The following LPL variants were observed in gnomAD, a reference collection of about 807,000 sequenced individuals.
LPL encodes the protein phospholipase A1.
Under a neutral mutation model 52.2 loss-of-function variants are expected in LPL, and 43 were observed. The ratio of observed to expected loss-of-function variants is 0.82; its 90% CI spans 0.64 to 1.06. LPL has a LOEUF of 1.06. Ranked by LOEUF, LPL falls within the 50% of genes least tolerant of loss-of-function variation. LPL has a pLI of 0.00. For synonymous variants in LPL, 244 were observed against 215.6 expected, an observed-to-expected ratio of 1.13 and a Z score of -1.15; for missense variants, 639 against 585.3, an observed-to-expected ratio of 1.09 and a Z score of -0.95.
chr8:19,964,775 C>T (rs1289988194), intron 9 of LPL, among the ~76,000 whole-genome samples: 1 of 152,164 alleles, frequency 6.6e-6, no homozygotes, highest in African/African-American at 2.4e-5. Flanking sequence ...GGTGATGTGC[C>T]TGTCTCAGCC....
chr8:19,945,271 G>A (rs904981483), intron 1 of LPL, among the ~76,000 whole-genome samples: 1 of 152,102 alleles, frequency 6.6e-6, no homozygotes, highest in African/African-American at 2.4e-5. Flanking sequence ...GCTGACTGAA[G>A]TTTGGGAAGC....
In LPL at chr8:19,967,005, C is replaced by T. The variant is rs1191177716; in HGVS notation, c.*1695C>T. The T allele has an allele frequency of 6.6e-6, 1 of 152,540 alleles. No individual in the cohort carries two copies. Among genetic ancestry groups the T allele is most frequent in the African/African-American group, 2.4e-5 (1 of 41,402 alleles). The allele number at this position is 152,540 out of a possible 1,614,324, so 9.4% of individuals were successfully genotyped here. ...GTTATATATATCAAGGATGTTCTGG[C>T]TTTACATTTTATTTATTAGCTGTAA... On this transcript the variant is annotated 3_prime_UTR_variant, in exon 10 of 10. Coordinates refer to ENST00000650287, the MANE Select transcript of LPL (RefSeq NM_000237.3).
At chr8:19,949,379 T>C (rs547210316) in intron 2 of LPL, among the ~76,000 whole-genome samples, 53 of 152,312 alleles carry the variant, frequency 3.5e-4, no homozygotes, top group African/African-American at 1.2e-3. Context: ...TAACAAAATA[T>C]AGCCATTTAC....
In LPL at chr8:19,947,192, A is replaced by T. The variant is rs538996849; in HGVS notation, c.89-988A>T. Reference sequence around the variant, plus strand: ...CATGCTTCCAACTTTTCTTTAAAAAATTTTTTTTAAATTATTTTATTAAAA... The same window carrying T: ...CATGCTTCCAACTTTTCTTTAAAAATTTTTTTTTAAATTATTTTATTAAAA... On this transcript the variant is annotated intron_variant, in intron 1 of 9. Transcript: ENST00000650287. Among the ~76,000 whole-genome samples, 1,506 of 152,238 alleles carry T rather than the reference A, an allele frequency of 9.9e-3. 12 individuals carry two copies. Among genetic ancestry groups the T allele is most frequent in the South Asian group, 0.025 (119 of 4,832 alleles).
At chr8:19,952,110 AT>A (rs1321630264) in intron 3 of LPL, among the ~76,000 whole-genome samples, 162 bp downstream of exon 3, 2 of 152,178 alleles carry the variant, frequency 1.3e-5, no homozygotes, top group Non-Finnish European at 2.9e-5. Context: ...CAAAAGCAAC[AT>A]TTTGATAAGA....
At chr8:19,942,678 T>C (rs1462050869) in intron 1 of LPL, among the ~76,000 whole-genome samples, 2 of 152,218 alleles carry the variant, frequency 1.3e-5, no homozygotes, top group Non-Finnish European at 2.9e-5. Flanking sequence ...GAAGGACTAA[T>C]AGGATAGGGT....
At chr8:19,959,482 C>T in intron 7 of LPL, 102 bp downstream of exon 7, 1 of 1,403,126 alleles carries the variant, frequency 7.1e-7, no homozygotes, top group Non-Finnish European at 9.6e-7. Context: ...GAAAACAAGT[C>T]TTTAGTTAAA....
intron 3 of LPL, 41 bp downstream of exon 3, chr8:19,951,989 T>C: frequency 6.2e-7 from 1 of 1,607,864 alleles, no homozygotes; most frequent in Non-Finnish European, 8.5e-7. Flanking sequence ...CAAAACAGTG[T>C]TTTTGACTGG....
rs2070077063 is a variant in LPL at position 19,965,391 on chromosome 8, T to C, written c.*81T>C. The C allele has an allele frequency of 1.2e-5, 9 of 778,176 alleles. No homozygotes were observed. The highest frequency in any genetic ancestry group is 1.9e-5 in the Non-Finnish European group (8 of 417,318). The allele number at this position is 778,176 out of a possible 1,614,324, so 48.2% of individuals were successfully genotyped here. Reference sequence around the variant, plus strand: ...TGGAGGAAGTAACTTTTACAAAACATACCCAGTGTTTGGGGTGTTTCAAAA... The same window carrying C: ...TGGAGGAAGTAACTTTTACAAAACACACCCAGTGTTTGGGGTGTTTCAAAA... On this transcript the variant is annotated 3_prime_UTR_variant, in exon 10 of 10. Coordinates refer to ENST00000650287, the MANE Select transcript of LPL (RefSeq NM_000237.3).
intron 3 of LPL, among the ~76,000 whole-genome samples, 195 bp from the exon 4 acceptor site, chr8:19,953,115 G>A (rs1486955548): frequency 1.3e-5 from 2 of 152,078 alleles, no homozygotes; most frequent in African/African-American, 4.8e-5. Context: ...TTACGGAAAA[G>A]TGAAACAAAA....
chr8:19,950,905 G>GGAAGGAAGGAAT lies in LPL; in HGVS notation c.250-852_250-841dup, dbSNP rs1365616034. ...AGGAAGGAAGGAAGGAATGAAGGAA[G>GGAAGGAAGGAAT]GAAGGAAGGAATGAAGGAAGGAAGG... is the stretch of plus-strand genomic sequence containing the variant. On this transcript the variant is annotated intron_variant, in intron 2 of 9. Coordinates refer to ENST00000650287, the MANE Select transcript of LPL (RefSeq NM_000237.3). The surrounding 1 kb of genome is among the most constrained non-coding windows in gnomAD (Gnocchi z 4.2). Among the ~76,000 whole-genome samples the GGAAGGAAGGAAT allele has an allele frequency of 2.0e-5, 3 of 149,134 alleles. No individual in the cohort carries two copies. Among genetic ancestry groups the GGAAGGAAGGAAT allele is most frequent in the Non-Finnish European group, 4.5e-5 (3 of 67,174 alleles).
In LPL at chr8:19,965,540, A is replaced by C. The variant is rs973692940; in HGVS notation, c.*230A>C. 3.8e-6 allele frequency: 2 copies of C among 527,564 alleles called. No individual in the cohort carries two copies. The highest frequency in any genetic ancestry group is 3.8e-5 in the African/African-American group (2 of 52,442). The allele number at this position is 527,564 out of a possible 1,614,324, so 32.7% of individuals were successfully genotyped here. On this transcript the variant is annotated 3_prime_UTR_variant, in exon 10 of 10. Transcript: ENST00000650287. ...TAGTGGCCAAATAGCACATCCTCCAACGTTAAAAGACAGTGGATCATGAAA... is the reference window on the plus strand; with the variant it reads ...TAGTGGCCAAATAGCACATCCTCCACCGTTAAAAGACAGTGGATCATGAAA...
chr8:19,944,226 C>T lies in LPL; in HGVS notation c.89-3954C>T, dbSNP rs2069864763. Among the ~76,000 whole-genome samples, 1 of 152,082 alleles carries T rather than the reference C, an allele frequency of 6.6e-6. No homozygotes were observed. The highest frequency in any genetic ancestry group is 2.4e-5 in the African/African-American group (1 of 41,410). Reference sequence around the variant, plus strand: ...AATAAAATGAAATAAAGTAAAGCTGCATGTTAGAGAAGTCAAGAGCATTAC... The same window carrying T: ...AATAAAATGAAATAAAGTAAAGCTGTATGTTAGAGAAGTCAAGAGCATTAC... On this transcript the variant is annotated intron_variant, in intron 1 of 9. Coordinates refer to ENST00000650287, the MANE Select transcript of LPL (RefSeq NM_000237.3). This position sits in a 1 kb window ranked among gnomAD's most constrained non-coding sequence, Gnocchi z 4.2.
chr8:19,962,442 C>G (rs551287624), intron 9 of LPL, among the ~76,000 whole-genome samples: 1 of 152,154 alleles, frequency 6.6e-6, no homozygotes, highest in Non-Finnish European at 1.5e-5. Context: ...TCTCCCAGCC[C>G]GGACCTTCAA....
rs114636902 is a variant in LPL at position 19,945,315 on chromosome 8, G to A, written c.89-2865G>A. Among the ~76,000 whole-genome samples the A allele has an allele frequency of 5.2e-3, 789 of 152,160 alleles. 10 individuals are homozygous for A. The highest frequency in any genetic ancestry group is 0.017 in the African/African-American group (722 of 41,494). Reference sequence around the variant, plus strand: ...CTTACGACACTGAGACATCCTCGGGGGGTTGCAAACACAGGTAGTGTGAAA... The same window carrying A: ...CTTACGACACTGAGACATCCTCGGGAGGTTGCAAACACAGGTAGTGTGAAA... On this transcript the variant is annotated intron_variant, in intron 1 of 9. Coordinates refer to ENST00000650287, the MANE Select transcript of LPL (RefSeq NM_000237.3).
At chr8:19,959,975 G>A (rs1436808864) in intron 7 of LPL, among the ~76,000 whole-genome samples, 2 of 151,706 alleles carry the variant, frequency 1.3e-5, no homozygotes, top group Non-Finnish European at 2.9e-5. Flanking sequence ...TTTTAGTAGC[G>A]ACAGGGTCTC....
chr8:19,940,681 C>T (rs925021442), intron 1 of LPL, among the ~76,000 whole-genome samples: 3 of 152,252 alleles, frequency 2.0e-5, no homozygotes, highest in Non-Finnish European at 4.4e-5. Context: ...GATGTGCTCT[C>T]AGGCGGCACG....
At chr8:19,959,435 C>A in intron 7 of LPL, 55 bp downstream of exon 7, 3 of 1,607,914 alleles carry the variant, frequency 1.9e-6, no homozygotes, top group Non-Finnish European at 2.6e-6. Flanking sequence ...CTGCCATAAC[C>A]CTTGGTCTGA....
At chr8:19,960,150 G>A (rs1320354979) in intron 7 of LPL, among the ~76,000 whole-genome samples, 2 of 152,080 alleles carry the variant, frequency 1.3e-5, no homozygotes, top group African/African-American at 2.4e-5. Context: ...ACAATTACTA[G>A]ATGAACAAAT....
Sources: gnomAD v4.1 joint callset for allele counts (sites outside exome capture counted in the v4.1 genomes callset) on GRCh38, gnomAD v4.1.1 for gene constraint, Gnocchi (gnomAD v3.1) non-coding constraint, MANE v1.5 for transcripts, NCBI Gene and HGNC (gene_info 2026-07-23, HGNC 2026-07-21) for gene names.